Variants in CCDC82 observed in about 807,000 individuals in gnomAD.
The protein encoded by CCDC82 is coiled-coil domain-containing protein 82.
In CCDC82, 47 loss-of-function variants were observed where a neutral mutation model predicts 60.6. That is an observed-to-expected ratio of 0.77 (90% CI 0.61 to 0.99). CCDC82 has a LOEUF of 0.99. Among genes scored for constraint, CCDC82 ranks in the 50% least tolerant of loss-of-function variants. The probability of loss-of-function intolerance (pLI) is 0.00; values close to 1 mark genes in which losing one functional copy is unlikely to be tolerated. For missense variants in CCDC82, 588 were observed against 633.0 expected (o/e 0.93, Z 0.76); for synonymous variants, 212 against 207.4 (o/e 1.02, Z -0.19).
At chr11:96,358,792 A>T (rs1399611776) in intron 9 of CCDC82, among the ~76,000 whole-genome samples, 2 of 152,166 alleles carry the variant, frequency 1.3e-5, no homozygotes, top group Admixed American at 6.5e-5. Context: ...TGATGGGCTG[A>T]GTGAATCCTT....
At chr11:96,364,474 T>G (rs892978483) in intron 8 of CCDC82, 1 of 152,048 alleles carries the variant, frequency 6.6e-6, no homozygotes, top group Non-Finnish European at 1.5e-5. Context: ...AGAGACAACT[T>G]TGGGTCTCTA....
chr11:96,388,731 T>C (rs1348202220), intron 1 of CCDC82: 2 of 152,216 alleles, frequency 1.3e-5, no homozygotes, highest in Admixed American at 6.5e-5. Flanking sequence ...GTTAACACTT[T>C]ACAGATTTGA....
chr11:96,383,391 C>T lies in CCDC82; in HGVS notation c.869G>A (p.Gly290Glu). Residue 290 changes from glycine (G) to glutamate (E), a missense_variant, in exon 5 of 10, where the codon GGA becomes GAA. Coordinates refer to ENST00000646818, the MANE Select transcript of CCDC82 (RefSeq NM_024725.4). ...AAAGTCATCGATAATATAATCATCT[C>T]CATCTTCATCAGATTCATAATTATC... is the stretch of plus-strand genomic sequence containing the variant. The part of the protein sequence containing the change: ...EEDNYESDED[G>E]DDYIIDDFVV... 6.2e-7 allele frequency: 1 copy of T among 1,600,482 alleles called. No individual in the cohort carries two copies. Among genetic ancestry groups the T allele is most frequent in the Non-Finnish European group, 8.5e-7 (1 of 1,171,088 alleles).
intron 3 of CCDC82, chr11:96,385,543 A>G (rs1866145539): frequency 6.6e-6 from 1 of 152,214 alleles, no homozygotes; most frequent in South Asian, 2.1e-4. Context: ...TAATATATCC[A>G]CTAAGATTGT....
chr11:96,368,705 A>C (rs1463895219), intron 7 of CCDC82, among the ~76,000 whole-genome samples: 1 of 150,556 alleles, frequency 6.6e-6, no homozygotes, highest in Non-Finnish European at 1.5e-5. Context: ...TCTCTACTAA[A>C]AATACAAAAA....
rs780545367 is a variant in CCDC82, at chr11:96,383,192, T to C, written c.991+77A>G. 62 of 854,582 alleles carry C rather than the reference T, an allele frequency of 7.3e-5. No individual in the cohort carries two copies. The Middle Eastern group carries it at 9.9e-4, about 14-fold the overall frequency. The allele number at this position is 854,582 out of a possible 1,614,324, so 52.9% of individuals were successfully genotyped here. A position where few individuals can be genotyped will look rare whatever the true frequency, so the allele number is the denominator to read the frequency against. ...TTCTAGTCAATGATTTAGAACATGATATTAAAAGGCTAATTTGATACTTGA... is the reference window on the plus strand; with the variant it reads ...TTCTAGTCAATGATTTAGAACATGACATTAAAAGGCTAATTTGATACTTGA... On this transcript the variant is annotated intron_variant, in intron 5 of 9. Transcript: ENST00000646818.
At position 96,378,635 on chromosome 11, in the gene CCDC82, C is replaced by A. The variant is rs12419298; in HGVS notation, c.991+4634G>T. 8.8e-3 allele frequency among the ~76,000 whole-genome samples: 1,333 copies of A among 152,010 alleles called. 19 individuals are homozygous for A. The highest frequency in any genetic ancestry group is 0.034 in the Admixed American group (525 of 15,266). ...AATGTATTCTACTCTTATCTCTACTCCTTGATTCTGTCCCTCTGAATATAT... is the reference window on the plus strand; with the variant it reads ...AATGTATTCTACTCTTATCTCTACTACTTGATTCTGTCCCTCTGAATATAT... On this transcript the variant is annotated intron_variant, in intron 5 of 9. Transcript: ENST00000646818.
intron 5 of CCDC82, chr11:96,383,007 A>G (rs1389500250): frequency 3.1e-6 from 1 of 324,756 alleles, no homozygotes; most frequent in Non-Finnish European, 5.5e-6. Flanking sequence ...TATATTTTAA[A>G]TTTCTGAGTT....
chr11:96,357,640 T>G, intron 9 of CCDC82: 1 of 983,654 alleles, frequency 1.0e-6, no homozygotes, highest in South Asian at 4.7e-5. Context: ...ATACAGTATA[T>G]GCACAGTGAT....
intron 7 of CCDC82, among the ~76,000 whole-genome samples, chr11:96,367,340 C>T (rs1299063316): frequency 6.6e-6 from 1 of 152,180 alleles, no homozygotes; most frequent in Non-Finnish European, 1.5e-5. Flanking sequence ...AAATTGGAGT[C>T]AATCCTCTCA....
In CCDC82 at chr11:96,384,615, C is replaced by T; in HGVS notation, c.133G>A (p.Asp45Asn). 1.2e-6 allele frequency: 2 copies of T among 1,613,620 alleles called. No individual in the cohort carries two copies. The highest frequency in any genetic ancestry group is 1.7e-6 in the Non-Finnish European group (2 of 1,179,656). ...TCATCACTATCAAATTCTTCACTAT[C>T]AAGCTCTTCATCACTATCAAGTAAT... Reference protein sequence around the residue: ...SQLLDSDEELDSEEFDSDEEL... With the variant: ...SQLLDSDEELNSEEFDSDEEL... The change falls in exon 4 of 10, where the codon GAT (aspartate) becomes AAT (asparagine). Residue 45 changes from aspartate to asparagine, a missense_variant. Transcript: ENST00000646818.
At chr11:96,358,000 C>T (rs1055781753) in intron 9 of CCDC82, 2 of 985,298 alleles carry the variant, frequency 2.0e-6, no homozygotes, top group African/African-American at 1.7e-5. Flanking sequence ...AAAGGGAAAC[C>T]AGTGATGATG....
At chr11:96,360,403 T>C (rs1056638366) in intron 8 of CCDC82, among the ~76,000 whole-genome samples, 2 of 151,470 alleles carry the variant, frequency 1.3e-5, no homozygotes, top group African/African-American at 4.8e-5. Context: ...TTTCACCATG[T>C]TGGCCATGGT....
chr11:96,364,788 C>T, intron 8 of CCDC82, 192 bp downstream of exon 8: 1 of 507,556 alleles, frequency 2.0e-6, no homozygotes, highest in Non-Finnish European at 3.5e-6. Context: ...CTAGTTGAAG[C>T]ACAGTGTTTT....
intron 5 of CCDC82, among the ~76,000 whole-genome samples, chr11:96,378,535 A>C (rs980756700): frequency 6.6e-6 from 1 of 151,916 alleles, no homozygotes; most frequent in African/African-American, 2.4e-5. Flanking sequence ...GATTTTCTTT[A>C]ATTAGTAGAT....
At chr11:96,373,106 T>C (rs1056919995) in intron 6 of CCDC82, among the ~76,000 whole-genome samples, 1 of 152,222 alleles carries the variant, frequency 6.6e-6, no homozygotes, top group African/African-American at 2.4e-5. Context: ...TCTGCTGTTT[T>C]AGGTGTTATC....
At chr11:96,355,450 A>C (rs1864296548) in intron 9 of CCDC82, 1 of 152,158 alleles carries the variant, frequency 6.6e-6, no homozygotes, top group African/African-American at 2.4e-5. Flanking sequence ...ATCACTTACT[A>C]ATTGCTAGGT....
At position 96,364,765 on chromosome 11, in the gene CCDC82, C is replaced by G. The variant is rs1864856345; in HGVS notation, c.1380+215G>C. 1.5e-5 allele frequency: 7 copies of G among 459,108 alleles called. No homozygotes were observed. In the East Asian group the frequency reaches 2.9e-4, roughly 19 times the overall value. The allele number at this position is 459,108 out of a possible 1,614,324, so 28.4% of individuals were successfully genotyped here. A position where few individuals can be genotyped will look rare whatever the true frequency, so the allele number is the denominator to read the frequency against. On this transcript the variant is annotated intron_variant, in intron 8 of 9. Transcript: ENST00000646818. ...GGTGATTGCTCTAGACTCTGACATA[C>G]TTCTAACAGAGTCTAGTTGAAGCAC...
rs894145078 is a variant in CCDC82 at position 96,386,268 on chromosome 11, A to T, written c.-29T>A. ...GGGAATCTTACCGGACTATGTTTCC[A>T]GCTTTCCAAGAGGATTACTTTTTTC... On this transcript the variant is annotated 5_prime_UTR_variant, in exon 3 of 10. Coordinates refer to ENST00000646818, the MANE Select transcript of CCDC82 (RefSeq NM_024725.4). 4.6e-5 allele frequency: 7 copies of T among 152,540 alleles called. No individual in the cohort carries two copies. The highest frequency in any genetic ancestry group is 1.7e-4 in the African/African-American group (7 of 41,432). 9.4% of individuals were successfully genotyped at this position (152,540 alleles called of 1,614,324 possible). A position where few individuals can be genotyped will look rare whatever the true frequency, so the allele number is the denominator to read the frequency against.
Sources: allele counts gnomAD v4.1 joint callset (sites outside exome capture counted in the v4.1 genomes callset), GRCh38; gene constraint gnomAD v4.1.1; transcripts MANE v1.5; gene names NCBI Gene and HGNC (gene_info 2026-07-23, HGNC 2026-07-21).